The following ADK variants were observed in gnomAD, a reference collection of about 807,000 sequenced individuals.
ADK encodes the protein adenosine kinase, also known as N6,N6-dimethyladenosine kinase.
ADK carries 24 observed loss-of-function variants against 44.7 expected under a neutral mutation model. The observed-to-expected ratio is 0.54, with a 90% CI of 0.39 to 0.76. ADK has a LOEUF of 0.76. Among genes scored for constraint, ADK ranks in the 30% least tolerant of loss-of-function variants. The pLI is 0.00. For missense variants in ADK, 321 were observed against 425.1 expected, an observed-to-expected ratio of 0.76 and a Z score of 2.15; for synonymous variants, 128 against 142.6, an observed-to-expected ratio of 0.90 and a Z score of 0.73.
chr10:74,435,660 A>G (rs1289576404), intron 6 of ADK, among the ~76,000 whole-genome samples: 1 of 152,194 alleles, frequency 6.6e-6, no homozygotes, highest in Non-Finnish European at 1.5e-5. Flanking sequence ...TTTGACAAGG[A>G]CAAAAGGAAA....
intron 3 of ADK, among the ~76,000 whole-genome samples, chr10:74,306,390 G>A (rs919055743): frequency 2.6e-4 from 40 of 152,020 alleles, no homozygotes; most frequent in African/African-American, 8.9e-4. Flanking sequence ...GGAGCTCTCC[G>A]CCTTGGTAAT....
Position 74,229,357 on chromosome 10 carries a change from G to A in ADK, c.194+4766G>A, listed in dbSNP as rs185129925. Among the ~76,000 whole-genome samples, 31 of 147,882 alleles carry A rather than the reference G, an allele frequency of 2.1e-4. No homozygotes were observed. In the East Asian group the frequency reaches 5.6e-3, roughly 27 times the overall value. The stretch of plus-strand genomic sequence containing the variant: ...ATTTAAATGGAATGTGTAGGGATAT[G>A]TCAGGGAAGTTAGAGACAATAACAT... On this transcript the variant is annotated intron_variant, in intron 3 of 10. Coordinates refer to ENST00000539909, the MANE Select transcript of ADK (RefSeq NM_006721.4).
At chr10:74,603,161 G>C (rs919564828) in intron 9 of ADK, among the ~76,000 whole-genome samples, 1 of 152,110 alleles carries the variant, frequency 6.6e-6, no homozygotes, top group Non-Finnish European at 1.5e-5. Flanking sequence ...GGGAGGGAAA[G>C]TGTCCCTTAA....
intron 2 of ADK, among the ~76,000 whole-genome samples, chr10:74,219,178 A>G (rs1404206118): frequency 6.6e-6 from 1 of 151,760 alleles, no homozygotes; most frequent in Non-Finnish European, 1.5e-5. Context: ...AGGAAGATCT[A>G]CCAAGCGAAT....
intron 7 of ADK, among the ~76,000 whole-genome samples, chr10:74,577,229 G>A (rs1378100404): frequency 6.6e-6 from 1 of 150,540 alleles, no homozygotes; most frequent in Admixed American, 6.7e-5. Flanking sequence ...TGTAGATGTG[G>A]GGTAGTTTTG....
chr10:74,699,285 A>G (rs1050186746), intron 10 of ADK, among the ~76,000 whole-genome samples: 2 of 151,946 alleles, frequency 1.3e-5, no homozygotes, highest in African/African-American at 4.8e-5. Flanking sequence ...CTGACACAGT[A>G]CAGTATTTGT....
At chr10:74,476,774 A>T (rs1846863713) in intron 6 of ADK, among the ~76,000 whole-genome samples, 1 of 152,184 alleles carries the variant, frequency 6.6e-6, no homozygotes, top group African/African-American at 2.4e-5. Context: ...GAAACCTAAA[A>T]TATTGCTCCT....
At chr10:74,650,218 G>C (rs775002259) in intron 9 of ADK, among the ~76,000 whole-genome samples, 2 of 152,198 alleles carry the variant, frequency 1.3e-5, no homozygotes, top group Middle Eastern at 3.4e-3. Flanking sequence ...TCTGGAGTTT[G>C]AGACCACCCT....
At position 74,708,913 on chromosome 10, in the gene ADK, A is replaced by G. The variant is rs549477270; in HGVS notation, c.*468A>G. The G allele has an allele frequency of 6.0e-6, 1 of 166,508 alleles. No homozygotes were observed. The highest frequency in any genetic ancestry group is 2.4e-5 in the African/African-American group (1 of 41,630). The allele number at this position is 166,508 out of a possible 1,614,324, so 10.3% of individuals were successfully genotyped here. A position where few individuals can be genotyped will look rare whatever the true frequency, so the allele number is the denominator to read the frequency against. Reference sequence around the variant, plus strand: ...TGTCTATACACACACATACATAAATATACCACATATACACCTGATAGTCAA... The same window carrying G: ...TGTCTATACACACACATACATAAATGTACCACATATACACCTGATAGTCAA... On this transcript the variant is annotated 3_prime_UTR_variant, in exon 11 of 11. Coordinates refer to ENST00000539909, the MANE Select transcript of ADK (RefSeq NM_006721.4).
At chr10:74,503,273 T>C (rs1239361603) in intron 6 of ADK, among the ~76,000 whole-genome samples, 1 of 152,114 alleles carries the variant, frequency 6.6e-6, no homozygotes, top group Non-Finnish European at 1.5e-5. Flanking sequence ...TGAATAAATA[T>C]CACCAGCAAA....
intron 6 of ADK, among the ~76,000 whole-genome samples, chr10:74,408,964 T>C (rs943993894): frequency 2.6e-5 from 4 of 152,212 alleles, no homozygotes; most frequent in African/African-American, 9.6e-5. Flanking sequence ...AGTTGTAATC[T>C]TAAATTCATC....
At chr10:74,316,247 A>G (rs1840615038) in intron 4 of ADK, among the ~76,000 whole-genome samples, 1 of 152,074 alleles carries the variant, frequency 6.6e-6, no homozygotes. Flanking sequence ...CTCAAAAAAA[A>G]AAAAGAGAGA....
chr10:74,541,930 A>G (rs972805701), intron 7 of ADK, among the ~76,000 whole-genome samples: 1 of 151,936 alleles, frequency 6.6e-6, no homozygotes, highest in Admixed American at 6.6e-5. Flanking sequence ...ATGTTGGCCC[A>G]GTTTATTCAC....
intron 4 of ADK, among the ~76,000 whole-genome samples, chr10:74,390,270 A>G (rs1411610986): frequency 2.6e-5 from 4 of 152,138 alleles, no homozygotes; most frequent in Non-Finnish European, 4.4e-5. Flanking sequence ...ATACTGAGAC[A>G]TTTTATGATA....
chr10:74,547,243 G>A (rs1849853106), intron 7 of ADK, among the ~76,000 whole-genome samples: 1 of 151,756 alleles, frequency 6.6e-6, no homozygotes, highest in Non-Finnish European at 1.5e-5. Flanking sequence ...GTTCTTTCTA[G>A]TGATTTTGTT....
chr10:74,175,848 TCCC>T (rs1842312112), intron 1 of ADK, among the ~76,000 whole-genome samples: 1 of 152,182 alleles, frequency 6.6e-6, no homozygotes, highest in South Asian at 2.1e-4. Context: ...ATTTACTGAT[TCCC>T]CCCTTTTCAT....
chr10:74,415,448 C>T (rs1435612028), intron 6 of ADK, among the ~76,000 whole-genome samples: 1 of 152,124 alleles, frequency 6.6e-6, no homozygotes, highest in Non-Finnish European at 1.5e-5. Context: ...TGGACATAAA[C>T]AATCAAGTGT....
intron 4 of ADK, among the ~76,000 whole-genome samples, chr10:74,322,123 A>T (rs1399235293): frequency 2.0e-5 from 3 of 152,158 alleles, no homozygotes; most frequent in African/African-American, 7.2e-5. Context: ...ATCTCTTGTG[A>T]CCTATTTTAC....
intron 3 of ADK, among the ~76,000 whole-genome samples, chr10:74,240,862 T>G (rs1591917141): frequency 1.3e-5 from 2 of 152,230 alleles, no homozygotes; most frequent in South Asian, 4.1e-4. Context: ...TTAAAACCCA[T>G]TGTCAGTTAT....
Sources: gnomAD v4.1 joint callset for allele counts (sites outside exome capture counted in the v4.1 genomes callset) on GRCh38, gnomAD v4.1.1 for gene constraint, MANE v1.5 for transcripts, NCBI Gene and HGNC (gene_info 2026-07-23, HGNC 2026-07-21) for gene names.